FCGR2B: variants seen among roughly 807,000 people sequenced by gnomAD.
The protein encoded by FCGR2B is low affinity immunoglobulin gamma Fc region receptor II-b.
Under a neutral mutation model 24.8 loss-of-function variants are expected in FCGR2B, and 18 were observed. That is an observed-to-expected ratio of 0.73 (90% confidence interval 0.50 to 1.08). The LOEUF is 1.08. Among genes scored for constraint, FCGR2B ranks in the 50% least tolerant of loss-of-function variants. The pLI, the probability that FCGR2B is intolerant of heterozygous loss-of-function variation, is 0.00. For synonymous variants in FCGR2B, 79 were observed against 109.8 expected, an observed-to-expected ratio of 0.72 and a Z score of 1.75; for missense variants, 215 against 297.6, an observed-to-expected ratio of 0.72 and a Z score of 2.04.
upstream of FCGR2B, among the ~76,000 whole-genome samples, chr1:161,661,200 AAGAAAGAAAG>A (rs1484472503): frequency 1.1e-4 from 5 of 45,136 alleles, 1 homozygote; most frequent in South Asian, 2.8e-3. Flanking sequence ...GAAAGAAAGA[AAGAAAGAAAG>A]AAAGAAAGAA....
intron 6 of FCGR2B, chr1:161,676,225 C>G (rs1293039427): frequency 4.5e-6 from 1 of 220,670 alleles, no homozygotes; most frequent in Non-Finnish European, 9.1e-6. Context: ...CTGTCAAAGA[C>G]CCCACCTCAG....
At chr1:161,656,270 G>A in the FCGR2B span, among the ~76,000 whole-genome samples, 1 of 144,160 alleles carries the variant, frequency 6.9e-6, no homozygotes, top group African/African-American at 2.5e-5. Flanking sequence ...TGTAATGAGG[G>A]TTCCTCAGGA....
At chr1:161,677,003 C>T (rs12118016) in intron 6 of FCGR2B, 58 of 424,644 alleles carry the variant, frequency 1.4e-4, no homozygotes, top group South Asian at 8.5e-4. Flanking sequence ...GAACACCCCC[C>T]TCCCCCACCT....
chr1:161,649,484 T>G, the FCGR2B span, among the ~76,000 whole-genome samples: 50 of 151,162 alleles, frequency 3.3e-4, 1 homozygote, highest in African/African-American at 1.1e-3. Context: ...GGCAGAAGTT[T>G]AGCAGGGTGC....
intron 7 of FCGR2B, 28 bp from the exon 8 acceptor site, chr1:161,677,423 TCTTTCCTAGGCCCTCTCTGTGGATC>T (rs1183435859): frequency 6.2e-7 from 1 of 1,608,444 alleles, no homozygotes; most frequent in Non-Finnish European, 8.5e-7. Context: ...TCTGTTGCCT[TCTTTCCTAGGCCCTCTCTGTGGATC>T]CTTACTGCTG....
Position 161,677,769 on chromosome 1 carries a change from C to T in FCGR2B, c.*216C>T, listed in dbSNP as rs60519172. On this transcript the variant is annotated 3_prime_UTR_variant, in exon 8 of 8. Transcript: ENST00000358671. ...ACCGACTGCACCTTCTGTGCTTCAGCTCTTCTTGACATCAAGGCTCTTCCG... is the reference window on the plus strand; with the variant it reads ...ACCGACTGCACCTTCTGTGCTTCAGTTCTTCTTGACATCAAGGCTCTTCCG... 2,811 of 538,058 alleles carry T rather than the reference C, an allele frequency of 5.2e-3. 68 individuals are homozygous for T. Among genetic ancestry groups the T allele is most frequent in the African/African-American group, 0.049 (2,567 of 52,130 alleles). 33.3% of individuals were successfully genotyped at this position (538,058 alleles called of 1,614,324 possible). A position where few individuals can be genotyped will look rare whatever the true frequency, so the allele number is the denominator to read the frequency against.
intron 4 of FCGR2B, 174 bp downstream of exon 4, chr1:161,673,403 G>T (rs1681860058): frequency 2.5e-6 from 2 of 810,612 alleles, no homozygotes; most frequent in South Asian, 3.1e-5. Flanking sequence ...AGGAGTAGGG[G>T]CCAGAGCTTG....
chr1:161,665,152 A>G, intron 1 of FCGR2B, among the ~76,000 whole-genome samples: 1 of 115,994 alleles, frequency 8.6e-6, no homozygotes, highest in East Asian at 2.1e-4. Context: ...CCCCTTGCCA[A>G]TCTTACATAC....
At chr1:161,648,597 G>A in the FCGR2B span, among the ~76,000 whole-genome samples, 74 of 151,036 alleles carry the variant, frequency 4.9e-4, 1 homozygote, top group African/African-American at 1.7e-3. Flanking sequence ...AGTTTTTTAT[G>A]TATTTTAGAT....
At chr1:161,654,574 G>T in the FCGR2B span, among the ~76,000 whole-genome samples, 1 of 133,392 alleles carries the variant, frequency 7.5e-6, no homozygotes, top group Non-Finnish European at 1.7e-5. Context: ...CATGAGCTCT[G>T]GTGGAGGCCC....
the FCGR2B span, among the ~76,000 whole-genome samples, chr1:161,650,141 G>C: frequency 3.1e-3 from 461 of 149,186 alleles, 24 homozygotes; most frequent in Middle Eastern, 0.028. Context: ...CTGAGTTGCT[G>C]GGACTACACG....
chr1:161,650,482 A>AGATAAT, the FCGR2B span, among the ~76,000 whole-genome samples: 2 of 145,714 alleles, frequency 1.4e-5, 1 homozygote, highest in African/African-American at 5.1e-5. Flanking sequence ...ACAGGGGGCC[A>AGATAAT]GATAATTCTT....
intron 3 of FCGR2B, chr1:161,672,744 T>G (rs1681779648): frequency 1.5e-6 from 1 of 682,378 alleles, no homozygotes; most frequent in South Asian, 2.0e-5. Flanking sequence ...CTATTGTAGA[T>G]ACATGACACT....
intron 3 of FCGR2B, chr1:161,672,417 C>T (rs4999919): frequency 0.51 from 82,125 of 160,736 alleles, 19,757 homozygotes; most frequent in Admixed American, 0.61. Context: ...GGTGACACTG[C>T]TGCCTTTAGA....
chr1:161,671,785 A>C (rs527913003), intron 3 of FCGR2B, 136 bp downstream of exon 3: 17 of 1,499,926 alleles, frequency 1.1e-5, no homozygotes, highest in Non-Finnish European at 1.5e-5. Context: ...AGCACATATC[A>C]GTGGTTGTTT....
intron 1 of FCGR2B, among the ~76,000 whole-genome samples, chr1:161,669,180 C>G (rs1304053171): frequency 7.1e-6 from 1 of 141,608 alleles, no homozygotes; most frequent in Admixed American, 7.3e-5. Flanking sequence ...TCAGATATTT[C>G]TAATAGCAAA....
chr1:161,669,248 A>C (rs1490460711), intron 1 of FCGR2B, among the ~76,000 whole-genome samples: 1 of 138,582 alleles, frequency 7.2e-6, no homozygotes, highest in African/African-American at 2.5e-5. Context: ...CAGGACAGCC[A>C]AATAGTAGGA....
rs2102671933 is a variant in FCGR2B at position 161,673,999 on chromosome 1, T to C, written c.686T>C (p.Val229Ala). Residue 229 changes from valine (V) to alanine (A), a missense_variant, in exon 5 of 8, where the codon GTC (valine) becomes GCC (alanine). Transcript: ENST00000358671. The stretch of plus-strand genomic sequence containing the variant: ...CCGATGGGGATCATTGTGGCTGTGG[T>C]CACTGGGATTGCTGTAGCGGCCATT... ...SSPMGIIVAV[V>A]TGIAVAAIVA... 1.9e-6 allele frequency: 1 copy of C among 519,404 alleles called. No individual in the cohort carries two copies. 32.2% of individuals were successfully genotyped at this position (519,404 alleles called of 1,614,324 possible).
chr1:161,652,138 T>A, the FCGR2B span, among the ~76,000 whole-genome samples: 209 of 129,944 alleles, frequency 1.6e-3, 23 homozygotes, highest in African/African-American at 5.3e-3. Flanking sequence ...TGTGGTTTAA[T>A]AACTTCCATT....
Sources: allele counts gnomAD v4.1 joint callset (sites outside exome capture counted in the v4.1 genomes callset), GRCh38; gene constraint gnomAD v4.1.1; transcripts MANE v1.5; gene names NCBI Gene and HGNC (gene_info 2026-07-23, HGNC 2026-07-21).